The following BAIAP2L1 variants were observed in gnomAD, a reference collection of about 807,000 sequenced individuals.
BAIAP2L1 encodes BAR/IMD domain-containing adapter protein 2-like 1.
Under a neutral mutation model 66.3 loss-of-function variants are expected in BAIAP2L1, and 35 were observed. The ratio of observed to expected loss-of-function variants is 0.53; its 90% CI spans 0.40 to 0.70. BAIAP2L1 has a LOEUF of 0.70. Ranked by LOEUF, BAIAP2L1 falls within the 30% of genes least tolerant of loss-of-function variation. The pLI, the probability that BAIAP2L1 is intolerant of heterozygous loss-of-function variation, is 0.00. For missense variants in BAIAP2L1, 622 were observed against 656.9 expected, an observed-to-expected ratio of 0.95 and a Z score of 0.58; for synonymous variants, 269 against 248.7, an observed-to-expected ratio of 1.08 and a Z score of -0.77.
intron 1 of BAIAP2L1, among the ~76,000 whole-genome samples, chr7:98,367,957 A>G (rs1364584668): frequency 5.9e-5 from 9 of 151,920 alleles, no homozygotes; most frequent in African/African-American, 1.7e-4. Context: ...TTTATCATAC[A>G]TGTAGGTTGC....
At chr7:98,317,381 T>C in intron 5 of BAIAP2L1, 25 bp from the exon 6 acceptor site, 1 of 1,610,976 alleles carries the variant, frequency 6.2e-7, no homozygotes, top group African/African-American at 1.3e-5. Flanking sequence ...GCTGTGCTTA[T>C]TTTACTGTGG....
chr7:98,393,841 T>G (rs13310668), intron 1 of BAIAP2L1, among the ~76,000 whole-genome samples: 1 of 149,640 alleles, frequency 6.7e-6, no homozygotes, highest in South Asian at 2.2e-4. Flanking sequence ...GAGGGGCTCA[T>G]GCCTGTAATC....
chr7:98,311,037 G>T (rs773445568), intron 8 of BAIAP2L1, among the ~76,000 whole-genome samples: 1 of 151,944 alleles, frequency 6.6e-6, no homozygotes, highest in Non-Finnish European at 1.5e-5. Context: ...TGTGTTCAAA[G>T]TACCTGCTGC....
At chr7:98,395,169 G>C (rs1193847672) in intron 1 of BAIAP2L1, among the ~76,000 whole-genome samples, 1 of 151,896 alleles carries the variant, frequency 6.6e-6, no homozygotes, top group African/African-American at 2.4e-5. Flanking sequence ...GCCAGGTGTG[G>C]TGGCTCATGC....
intron 9 of BAIAP2L1, chr7:98,309,680 GGCTCTCTCTCACAAACA>G (rs2116868896): frequency 6.6e-6 from 1 of 152,312 alleles, no homozygotes; most frequent in East Asian, 1.9e-4. Flanking sequence ...TGTGGTCCAG[GGCTCTCTCTCACAAACA>G]GCTTGACTGC....
chr7:98,362,331 T>C (rs1172803618), intron 2 of BAIAP2L1, 26 bp downstream of exon 2: 3 of 1,537,256 alleles, frequency 2.0e-6, no homozygotes, highest in Non-Finnish European at 2.7e-6. Context: ...GCTTTATATA[T>C]AATCAATTCA....
intron 11 of BAIAP2L1, among the ~76,000 whole-genome samples, chr7:98,305,051 T>TTG (rs1483464711): frequency 2.5e-4 from 22 of 89,298 alleles, no homozygotes; most frequent in Admixed American, 6.9e-4. Context: ...TTTTTTGTTT[T>TTG]TTTTTTTTTT....
intron 1 of BAIAP2L1, among the ~76,000 whole-genome samples, chr7:98,399,822 T>C (rs1345525535): frequency 6.6e-6 from 1 of 152,218 alleles, no homozygotes; most frequent in African/African-American, 2.4e-5. Context: ...AACGCATTCC[T>C]TAAGGTTAGG....
chr7:98,306,332 C>G, intron 11 of BAIAP2L1, 107 bp downstream of exon 11: 9 of 1,342,550 alleles, frequency 6.7e-6, no homozygotes, highest in Non-Finnish European at 9.6e-6. Flanking sequence ...TCCACGAGAG[C>G]TGAGGCTTAG....
intron 12 of BAIAP2L1, among the ~76,000 whole-genome samples, chr7:98,301,545 C>G (rs1800423397): frequency 6.6e-6 from 1 of 151,070 alleles, no homozygotes; most frequent in Non-Finnish European, 1.5e-5. Context: ...TTTTGATCTC[C>G]TGACCTCGTG....
intron 1 of BAIAP2L1, among the ~76,000 whole-genome samples, chr7:98,395,964 GT>G (rs1306204815): frequency 6.6e-6 from 1 of 152,150 alleles, no homozygotes; most frequent in South Asian, 2.1e-4. Context: ...TCAGTTTTGG[GT>G]ATTAATTCTT....
At chr7:98,356,077 T>C (rs1249726541) in intron 2 of BAIAP2L1, among the ~76,000 whole-genome samples, 1 of 152,188 alleles carries the variant, frequency 6.6e-6, no homozygotes, top group African/African-American at 2.4e-5. Context: ...CTAATTATCT[T>C]AAAAATAGTA....
At chr7:98,305,032 A>ATTTTTTT (rs1370729691) in intron 11 of BAIAP2L1, among the ~76,000 whole-genome samples, 1 of 120,500 alleles carries the variant, frequency 8.3e-6, no homozygotes, top group Non-Finnish European at 1.7e-5. Context: ...CGCCCAGCTA[A>ATTTTTTT]TTTTTTTGTT....
intron 1 of BAIAP2L1, chr7:98,386,700 T>G (rs1802901159): frequency 1.4e-6 from 1 of 729,486 alleles, no homozygotes; most frequent in Non-Finnish European, 2.1e-6. Flanking sequence ...AAGGTTTTTT[T>G]TTTTTTTTTT....
chr7:98,310,348 A>C (rs554138780), intron 9 of BAIAP2L1, 97 bp downstream of exon 9: 1 of 1,395,168 alleles, frequency 7.2e-7, no homozygotes, highest in Admixed American at 2.6e-5. Context: ...GTTTACCTCC[A>C]AACCTTGCAA....
intron 1 of BAIAP2L1, among the ~76,000 whole-genome samples, chr7:98,399,573 C>T (rs1457084728): frequency 1.3e-5 from 2 of 152,178 alleles, no homozygotes; most frequent in Non-Finnish European, 2.9e-5. Context: ...TATTTATAAC[C>T]TTAAACATGC....
intron 12 of BAIAP2L1, among the ~76,000 whole-genome samples, chr7:98,298,773 G>C (rs755859466): frequency 7.2e-5 from 11 of 152,160 alleles, no homozygotes; most frequent in Admixed American, 3.9e-4. Context: ...AAAAGGCTGA[G>C]ACACATAATT....
intron 1 of BAIAP2L1, among the ~76,000 whole-genome samples, chr7:98,362,795 A>C (rs914468117): frequency 6.6e-6 from 1 of 152,188 alleles, no homozygotes; most frequent in Non-Finnish European, 1.5e-5. Flanking sequence ...AGTGTTAAGG[A>C]ACGCCTGTGG....
In BAIAP2L1 at chr7:98,292,327, T is replaced by G; in HGVS notation, c.*1194A>C. The G allele has an allele frequency of 2.8e-6, 1 of 351,440 alleles. No homozygotes were observed. The highest frequency in any genetic ancestry group is 3.2e-5 in the South Asian group (1 of 31,600). 21.8% of individuals were successfully genotyped at this position (351,440 alleles called of 1,614,324 possible). ...ACCTCTGCCTCCCGGGTTCAAGTGA[T>G]TCTCCTGCCTCAGCCTCCTGAGTGG... is the stretch of plus-strand genomic sequence containing the variant. On this transcript the variant is annotated 3_prime_UTR_variant, in exon 14 of 14. Coordinates refer to ENST00000005260, the MANE Select transcript of BAIAP2L1 (RefSeq NM_018842.5).
Sources: allele counts gnomAD v4.1 joint callset (sites outside exome capture counted in the v4.1 genomes callset), GRCh38; gene constraint gnomAD v4.1.1; transcripts MANE v1.5; gene names NCBI Gene and HGNC (gene_info 2026-07-23, HGNC 2026-07-21).